Variants in LIMD1 observed in about 807,000 individuals in gnomAD.
The protein encoded by LIMD1 is LIM domain-containing protein 1.
A neutral mutation model predicts 58.4 loss-of-function variants in LIMD1; 23 were observed. The observed-to-expected ratio is 0.39, with a 90% confidence interval of 0.28 to 0.56. LIMD1 has a LOEUF of 0.56. Among genes scored for constraint, LIMD1 ranks in the 20% least tolerant of loss-of-function variants. The pLI, the probability that LIMD1 is intolerant of heterozygous loss-of-function variation, is 0.57. For missense variants in LIMD1, 838 were observed against 855.5 expected, an observed-to-expected ratio of 0.98 and a Z score of 0.25; for synonymous variants, 334 against 345.5, an observed-to-expected ratio of 0.97 and a Z score of 0.37.
At chr3:45,627,285 T>C (rs557897955) in intron 1 of LIMD1, among the ~76,000 whole-genome samples, 1 of 152,326 alleles carries the variant, frequency 6.6e-6, no homozygotes, top group African/African-American at 2.4e-5. Flanking sequence ...CTGGACCTTT[T>C]CTTCCCCGGT....
chr3:45,645,108 A>G (rs1266771110), intron 2 of LIMD1, among the ~76,000 whole-genome samples: 1 of 152,236 alleles, frequency 6.6e-6, no homozygotes, highest in African/African-American at 2.4e-5. Flanking sequence ...ATCAGTGGGC[A>G]CAGGAAAGAT....
intron 1 of LIMD1, among the ~76,000 whole-genome samples, chr3:45,626,606 T>C (rs1214573001): frequency 2.0e-5 from 3 of 152,110 alleles, no homozygotes; most frequent in Non-Finnish European, 1.5e-5. Context: ...AAGTGGAGCA[T>C]AGGGGATTTT....
intron 1 of LIMD1, among the ~76,000 whole-genome samples, chr3:45,614,756 A>G (rs971891119): frequency 8.1e-6 from 1 of 123,362 alleles, no homozygotes. Flanking sequence ...AATAAAAAAT[A>G]AATTCCTGGG....
intron 2 of LIMD1, among the ~76,000 whole-genome samples, chr3:45,643,484 C>CA (rs571819225): frequency 0.022 from 2,635 of 121,376 alleles, 42 homozygotes; most frequent in Non-Finnish European, 0.029. Context: ...GACTCTGTCT[C>CA]AAAAAAAAAA....
intron 1 of LIMD1, among the ~76,000 whole-genome samples, chr3:45,602,183 T>C (rs936545517): frequency 5.3e-5 from 8 of 151,998 alleles, no homozygotes; most frequent in Non-Finnish European, 1.2e-4. Flanking sequence ...CTCCTGACCT[T>C]GTGATCCACC....
At chr3:45,650,501 C>T (rs575680540) in intron 2 of LIMD1, among the ~76,000 whole-genome samples, 168 of 147,316 alleles carry the variant, frequency 1.1e-3, no homozygotes, top group African/African-American at 4.0e-3. Context: ...CCCACCCCCC[C>T]CAACAGGCCC....
In LIMD1 at chr3:45,680,779, G is replaced by A. The variant is rs1039825652; in HGVS notation, c.*3720G>A. On this transcript the variant is annotated 3_prime_UTR_variant, in exon 8 of 8. Coordinates refer to ENST00000273317, the MANE Select transcript of LIMD1 (RefSeq NM_014240.3). ...TAATCCCAGCACTTTGAGAGGCTGA[G>A]GCGGGTGGATCACTTAAGGTCAGGA... 1 of 151,672 alleles carries A rather than the reference G, an allele frequency of 6.6e-6. No homozygotes were observed. Among genetic ancestry groups the A allele is most frequent in the Admixed American group, 6.6e-5 (1 of 15,224 alleles). 9.4% of individuals were successfully genotyped at this position (151,672 alleles called of 1,614,324 possible).
intron 1 of LIMD1, among the ~76,000 whole-genome samples, chr3:45,618,633 A>G (rs529404063): frequency 1.3e-5 from 2 of 152,158 alleles, no homozygotes; most frequent in Non-Finnish European, 2.9e-5. Context: ...TTTATGGGGC[A>G]CCTCTGTGCC....
intron 7 of LIMD1, among the ~76,000 whole-genome samples, chr3:45,674,727 G>T (rs1394957975): frequency 6.6e-6 from 1 of 152,184 alleles, no homozygotes; most frequent in South Asian, 2.1e-4. Context: ...GGGCCACATT[G>T]TCAGGCAGGT....
At chr3:45,604,548 C>T (rs910791538) in intron 1 of LIMD1, among the ~76,000 whole-genome samples, 1 of 152,208 alleles carries the variant, frequency 6.6e-6, no homozygotes, top group Non-Finnish European at 1.5e-5. Context: ...ATTCACACTC[C>T]TCTCACTGTG....
chr3:45,672,609 C>T, intron 4 of LIMD1, 81 bp from the exon 5 acceptor site: 1 of 1,494,004 alleles, frequency 6.7e-7, no homozygotes, highest in Non-Finnish European at 9.2e-7. Flanking sequence ...TCATGTAATC[C>T]TTAGGCCTGA....
At chr3:45,599,603 A>C (rs146299825) in intron 1 of LIMD1, among the ~76,000 whole-genome samples, 2 of 152,174 alleles carry the variant, frequency 1.3e-5, no homozygotes, top group East Asian at 3.8e-4. Flanking sequence ...GTGGCTCTAC[A>C]TCAGCATGTG....
At chr3:45,629,055 G>C (rs998838098) in intron 1 of LIMD1, among the ~76,000 whole-genome samples, 8 of 152,238 alleles carry the variant, frequency 5.3e-5, no homozygotes, top group Non-Finnish European at 1.2e-4. Flanking sequence ...AGGACATGGG[G>C]AATCTCTGGG....
chr3:45,662,033 C>G (rs912119870), intron 2 of LIMD1, among the ~76,000 whole-genome samples: 1 of 152,216 alleles, frequency 6.6e-6, no homozygotes, highest in African/African-American at 2.4e-5. Flanking sequence ...GTTGGAATTA[C>G]AGGTGTGAGC....
At chr3:45,647,981 T>G (rs34448158) in intron 2 of LIMD1, among the ~76,000 whole-genome samples, 33,748 of 152,006 alleles carry the variant, frequency 0.22, 4,255 homozygotes, top group Non-Finnish European at 0.29. Context: ...TCTCCATTGC[T>G]ACTCTCCTGA....
At chr3:45,666,623 G>A (rs1697522873) in intron 3 of LIMD1, among the ~76,000 whole-genome samples, 1 of 152,134 alleles carries the variant, frequency 6.6e-6, no homozygotes, top group Non-Finnish European at 1.5e-5. Flanking sequence ...CCACAATGGA[G>A]GAGCTCTTCT....
At chr3:45,676,390 A>G (rs1697673049) in intron 7 of LIMD1, among the ~76,000 whole-genome samples, 1 of 150,648 alleles carries the variant, frequency 6.6e-6, no homozygotes, top group Admixed American at 6.6e-5. Flanking sequence ...ACATAGATAT[A>G]TGTTGTACGT....
At chr3:45,620,949 G>A (rs1701623715) in intron 1 of LIMD1, among the ~76,000 whole-genome samples, 1 of 152,146 alleles carries the variant, frequency 6.6e-6, no homozygotes, top group Non-Finnish European at 1.5e-5. Flanking sequence ...GTACACCCAT[G>A]TATGATGTAC....
rs560848372 is a variant in LIMD1, at chr3:45,680,564, C to T, written c.*3505C>T. Reference sequence around the variant, plus strand: ...CTCCTGGGCTCAAGTGATCTGCCCACTTCCGCCTCCCAAAGTGTTGGGATT... The same window carrying T: ...CTCCTGGGCTCAAGTGATCTGCCCATTTCCGCCTCCCAAAGTGTTGGGATT... On this transcript the variant is annotated 3_prime_UTR_variant, in exon 8 of 8. Transcript: ENST00000273317. 1.5e-4 allele frequency: 23 copies of T among 152,322 alleles called. No individual in the cohort carries two copies. The highest frequency in any genetic ancestry group is 1.4e-3 in the Admixed American group (21 of 15,302). The allele number at this position is 152,322 out of a possible 1,614,324, so 9.4% of individuals were successfully genotyped here. A position where few individuals can be genotyped will look rare whatever the true frequency, so the allele number is the denominator to read the frequency against.
Sources: gnomAD v4.1 joint callset for allele counts (sites outside exome capture counted in the v4.1 genomes callset) on GRCh38, gnomAD v4.1.1 for gene constraint, MANE v1.5 for transcripts, NCBI Gene and HGNC (gene_info 2026-07-23, HGNC 2026-07-21) for gene names.